RABGAP1L: variants seen among roughly 807,000 people sequenced by gnomAD.
RABGAP1L encodes RAB GTPase activating protein 1 like.
Under a neutral mutation model 137.7 loss-of-function variants are expected in RABGAP1L, and 63 were observed. The observed-to-expected ratio is 0.46, with a 90% CI of 0.37 to 0.56. The LOEUF (loss-of-function observed/expected upper bound fraction) is 0.56. RABGAP1L is among the 20% of genes least tolerant of loss of function. RABGAP1L has a pLI of 0.00. For synonymous variants in RABGAP1L, 431 were observed against 433.7 expected, an observed-to-expected ratio of 0.99 and a Z score of 0.08; for missense variants, 1,095 against 1,244.0, an observed-to-expected ratio of 0.88 and a Z score of 1.80.
At chr1:174,349,369 C>T (rs1415561563) in intron 11 of RABGAP1L, among the ~76,000 whole-genome samples, 31 of 132,538 alleles carry the variant, frequency 2.3e-4, no homozygotes, top group Non-Finnish European at 4.9e-5. Context: ...TGACCCCCCC[C>T]ACCTCCCTCC....
chr1:174,590,213 A>G (rs945431813), intron 13 of RABGAP1L, among the ~76,000 whole-genome samples: 7 of 139,040 alleles, frequency 5.0e-5, no homozygotes, highest in African/African-American at 8.1e-5. Context: ...CTTTACAGCA[A>G]TTTAAAATGG....
At chr1:174,414,798 A>G (rs1650361236) in intron 13 of RABGAP1L, among the ~76,000 whole-genome samples, 1 of 152,090 alleles carries the variant, frequency 6.6e-6, no homozygotes, top group South Asian at 2.1e-4. Context: ...CACTATAATT[A>G]CTACTTATGA....
rs977496470 is a variant in RABGAP1L at position 174,327,996 on chromosome 1, T to C, written c.1465+22869T>C. 1.1e-3 allele frequency among the ~76,000 whole-genome samples: 100 copies of C among 91,512 alleles called. 3 individuals are homozygous for C. The highest frequency in any genetic ancestry group is 4.9e-3 in the Middle Eastern group (1 of 206). 60.0% of individuals were successfully genotyped at this position (91,512 alleles called of 152,430 possible). Reference sequence around the variant, plus strand: ...ATATATATACACACACATATATATATATATATATATATATATATATATATA... The same window carrying C: ...ATATATATACACACACATATATATACATATATATATATATATATATATATA... On this transcript the variant is annotated intron_variant, in intron 11 of 25. Coordinates refer to ENST00000681986, the MANE Select transcript of RABGAP1L (RefSeq NM_001366446.1).
intron 13 of RABGAP1L, among the ~76,000 whole-genome samples, chr1:174,527,906 T>TTA (rs1664047319): frequency 3.3e-5 from 5 of 150,888 alleles, no homozygotes; most frequent in Admixed American, 2.6e-4. Flanking sequence ...CTTGTCTTTT[T>TTA]TTTTTTTTTT....
intron 16 of RABGAP1L, among the ~76,000 whole-genome samples, chr1:174,701,424 A>T (rs1454532000): frequency 6.6e-6 from 1 of 152,160 alleles, no homozygotes; most frequent in Non-Finnish European, 1.5e-5. Context: ...AAGAGAAGAT[A>T]CATTTCTTTT....
chr1:174,920,434 G>A (rs1661604373), intron 19 of RABGAP1L, among the ~76,000 whole-genome samples: 1 of 152,176 alleles, frequency 6.6e-6, no homozygotes, highest in African/African-American at 2.4e-5. Flanking sequence ...CCATAATTCA[G>A]TCACCTCTGA....
At chr1:174,655,549 G>C (rs1675899207) in intron 14 of RABGAP1L, among the ~76,000 whole-genome samples, 1 of 152,102 alleles carries the variant, frequency 6.6e-6, no homozygotes, top group African/African-American at 2.4e-5. Context: ...GATGATTAGT[G>C]TGATCACATT....
chr1:174,630,105 G>T (rs902204792), intron 13 of RABGAP1L, among the ~76,000 whole-genome samples: 51 of 149,244 alleles, frequency 3.4e-4, no homozygotes, highest in Non-Finnish European at 7.0e-4. Flanking sequence ...TAGCATGAAG[G>T]GTTGTTGAAT....
At chr1:174,888,017 A>C (rs1326662751) in intron 19 of RABGAP1L, among the ~76,000 whole-genome samples, 1 of 152,130 alleles carries the variant, frequency 6.6e-6, no homozygotes, top group East Asian at 1.9e-4. Context: ...AGCCTGGGGG[A>C]CAGAGCGAGA....
At chr1:174,884,873 A>AT (rs1261377271) in intron 19 of RABGAP1L, among the ~76,000 whole-genome samples, 3 of 152,186 alleles carry the variant, frequency 2.0e-5, no homozygotes, top group Non-Finnish European at 4.4e-5. Context: ...CAGCATCCAG[A>AT]TTTATAGTTC....
At chr1:174,389,366 C>G (rs1687045628) in intron 12 of RABGAP1L, among the ~76,000 whole-genome samples, 1 of 151,806 alleles carries the variant, frequency 6.6e-6, no homozygotes, top group African/African-American at 2.4e-5. Flanking sequence ...CTTCCACCTC[C>G]TATCAAAATT....
intron 13 of RABGAP1L, among the ~76,000 whole-genome samples, chr1:174,424,542 A>G (rs1215507097): frequency 9.9e-5 from 15 of 152,080 alleles, no homozygotes; most frequent in Admixed American, 9.8e-4. Flanking sequence ...ACCATGTTTT[A>G]AAACAAAGTT....
intron 20 of RABGAP1L, among the ~76,000 whole-genome samples, chr1:174,965,894 C>T (rs568254052): frequency 2.0e-5 from 3 of 152,182 alleles, no homozygotes; most frequent in Admixed American, 6.5e-5. Context: ...CTTTTCCCAC[C>T]CTTGCCCTTG....
intron 13 of RABGAP1L, among the ~76,000 whole-genome samples, chr1:174,485,047 A>G (rs147864946): frequency 1.2e-4 from 19 of 152,244 alleles, no homozygotes; most frequent in African/African-American, 4.6e-4. Flanking sequence ...AGTGTTTCAT[A>G]GTTTTCATTG....
At chr1:174,247,644 C>G (rs948827055) in intron 5 of RABGAP1L, among the ~76,000 whole-genome samples, 1 of 152,332 alleles carries the variant, frequency 6.6e-6, no homozygotes, top group Middle Eastern at 3.4e-3. Flanking sequence ...GCTGCCCACA[C>G]ATATCCTTGC....
chr1:174,728,497 T>C (rs1682182694), intron 17 of RABGAP1L, among the ~76,000 whole-genome samples: 1 of 152,082 alleles, frequency 6.6e-6, no homozygotes, highest in Non-Finnish European at 1.5e-5. Context: ...AAAAAACATT[T>C]CTTGTTCATG....
intron 14 of RABGAP1L, among the ~76,000 whole-genome samples, chr1:174,665,434 G>A (rs997373867): frequency 6.1e-5 from 4 of 65,084 alleles, no homozygotes; most frequent in Non-Finnish European, 9.4e-5. Flanking sequence ...GCCTCGCCCC[G>A]CCCCGCCCCG....
chr1:174,178,965 A>G (rs953921159), intron 1 of RABGAP1L, among the ~76,000 whole-genome samples: 1 of 152,232 alleles, frequency 6.6e-6, no homozygotes, highest in Non-Finnish European at 1.5e-5. Context: ...AAGCCTGCAC[A>G]TTCTGCACAT....
Position 174,679,109 on chromosome 1 carries a change from A to G in RABGAP1L, c.1825-4413A>G, listed in dbSNP as rs778144249. Among the ~76,000 whole-genome samples the G allele has an allele frequency of 1.1e-4, 16 of 152,296 alleles. No individual in the cohort carries two copies. In the East Asian group the frequency reaches 2.1e-3, roughly 20 times the overall value. On this transcript the variant is annotated intron_variant, in intron 14 of 25. Transcript: ENST00000681986. ...AAATGCCTGGGTTTATATCCCGATCATTGTCCCTCCTCCTGTTCTCTCAGG... is the reference window on the plus strand; with the variant it reads ...AAATGCCTGGGTTTATATCCCGATCGTTGTCCCTCCTCCTGTTCTCTCAGG...
Sources: allele counts gnomAD v4.1 joint callset (sites outside exome capture counted in the v4.1 genomes callset), GRCh38; gene constraint gnomAD v4.1.1; transcripts MANE v1.5; gene names NCBI Gene and HGNC (gene_info 2026-07-23, HGNC 2026-07-21).